CSMD3: variants seen among roughly 807,000 people sequenced by gnomAD.
CSMD3 encodes the protein CUB and sushi domain-containing protein 3.
In CSMD3, 177 loss-of-function variants were observed where a neutral mutation model predicts 435.2. That is an observed-to-expected ratio of 0.41 (90% CI 0.36 to 0.46). The LOEUF (loss-of-function observed/expected upper bound fraction) is 0.46, where lower values mean the gene tolerates loss of function less well. Ranked by LOEUF, CSMD3 falls within the 20% of genes least tolerant of loss-of-function variation. CSMD3 has a pLI of 0.34. For synonymous variants in CSMD3, 1,656 were observed against 1,520.5 expected, an observed-to-expected ratio of 1.09 and a Z score of -2.07; for missense variants, 4,265 against 4,504.6, an observed-to-expected ratio of 0.95 and a Z score of 1.52.
chr8:112,948,390 T>C (rs553404632), intron 8 of CSMD3, among the ~76,000 whole-genome samples: 287 of 152,136 alleles, frequency 1.9e-3, no homozygotes, highest in African/African-American at 6.4e-3. Flanking sequence ...ACAGCAGTGG[T>C]GCAAATTACT....
At chr8:113,423,660 G>A (rs1359927143) in intron 1 of CSMD3, among the ~76,000 whole-genome samples, 11 of 151,858 alleles carry the variant, frequency 7.2e-5, no homozygotes, top group Non-Finnish European at 1.5e-4. Flanking sequence ...GGATATTGAT[G>A]AAACCAAATC....
intron 27 of CSMD3, among the ~76,000 whole-genome samples, chr8:112,524,819 T>A (rs907226891): frequency 6.6e-6 from 1 of 152,044 alleles, no homozygotes; most frequent in Non-Finnish European, 1.5e-5. Context: ...ACAAAAAGCA[T>A]CTTCTTTATA....
chr8:112,279,547 A>G (rs1356046593), intron 59 of CSMD3, among the ~76,000 whole-genome samples: 2 of 152,190 alleles, frequency 1.3e-5, no homozygotes, highest in South Asian at 2.1e-4. Flanking sequence ...TCTAATTACA[A>G]TAGTTAATAC....
chr8:113,185,677 T>G (rs1028997893), intron 3 of CSMD3, among the ~76,000 whole-genome samples: 5 of 152,096 alleles, frequency 3.3e-5, no homozygotes, highest in Non-Finnish European at 7.4e-5. Flanking sequence ...TGTTTCTTGG[T>G]CTGAAGAAAT....
At chr8:113,132,536 C>T (rs1345197785) in intron 4 of CSMD3, among the ~76,000 whole-genome samples, 2 of 152,144 alleles carry the variant, frequency 1.3e-5, no homozygotes, top group Non-Finnish European at 2.9e-5. Flanking sequence ...GTACCTGCTT[C>T]CTCTTTGCCT....
chr8:113,415,460 C>A (rs935364799), intron 1 of CSMD3, among the ~76,000 whole-genome samples: 1 of 152,120 alleles, frequency 6.6e-6, no homozygotes, highest in African/African-American at 2.4e-5. Context: ...AAACGCAAAG[C>A]AGATTTCTCC....
Position 112,689,851 on chromosome 8 carries a change from A to G in CSMD3, c.2155+17T>C. On this transcript the variant is annotated intron_variant, in intron 14 of 70. Coordinates refer to ENST00000297405, the MANE Select transcript of CSMD3 (RefSeq NM_198123.2). ...GGGTAACATATGCTATCTGGAAGCA[A>G]AGCATTTGGTACTCACAGATACAGA... 1 of 1,606,542 alleles carries G rather than the reference A, an allele frequency of 6.2e-7. No individual in the cohort carries two copies. Among genetic ancestry groups the G allele is most frequent in the Non-Finnish European group, 8.5e-7 (1 of 1,173,348 alleles).
chr8:112,883,632 C>T (rs1413581102), intron 10 of CSMD3, among the ~76,000 whole-genome samples: 1 of 151,828 alleles, frequency 6.6e-6, no homozygotes, highest in African/African-American at 2.4e-5. Flanking sequence ...ACCCAGTTCC[C>T]TTGAATGTTA....
intron 1 of CSMD3, among the ~76,000 whole-genome samples, chr8:113,371,287 T>C (rs770113299): frequency 6.6e-6 from 1 of 152,104 alleles, no homozygotes; most frequent in Non-Finnish European, 1.5e-5. Context: ...ATAAGGTAGC[T>C]ACTTAATAAA....
chr8:112,650,442 T>G lies in CSMD3; in HGVS notation c.3005-93A>C, dbSNP rs79447106. 3.4e-3 allele frequency: 3,469 copies of G among 1,024,632 alleles called. 79 individuals carry two copies. The African/African-American group carries it at 0.048, about 14-fold the overall frequency. The allele number at this position is 1,024,632 out of a possible 1,614,324, so 63.5% of individuals were successfully genotyped here. A position where few individuals can be genotyped will look rare whatever the true frequency, so the allele number is the denominator to read the frequency against. On this transcript the variant is annotated intron_variant, in intron 18 of 70. Coordinates refer to ENST00000297405, the MANE Select transcript of CSMD3 (RefSeq NM_198123.2). ...TAGTTCTTCAAACAATTACAAGCAA[T>G]GATTTTTACAAATAAAGGTACTCGT...
chr8:112,985,304 G>A (rs1420712811), intron 6 of CSMD3, among the ~76,000 whole-genome samples: 1 of 151,900 alleles, frequency 6.6e-6, no homozygotes, highest in African/African-American at 2.4e-5. Flanking sequence ...TGCGGTAGGG[G>A]AAAAGGCAAG....
At chr8:112,423,016 T>C (rs1554674731) in intron 32 of CSMD3, among the ~76,000 whole-genome samples, 1 of 152,142 alleles carries the variant, frequency 6.6e-6, no homozygotes, top group Non-Finnish European at 1.5e-5. Context: ...GAATGGAACA[T>C]AAAGGAGTTA....
chr8:112,236,984 T>G (rs760401065), intron 67 of CSMD3, among the ~76,000 whole-genome samples: 3 of 152,168 alleles, frequency 2.0e-5, no homozygotes, highest in Non-Finnish European at 2.9e-5. Flanking sequence ...TAACTTATTT[T>G]AAAACTAGTT....
chr8:112,964,353 A>C (rs1033782123), intron 7 of CSMD3, among the ~76,000 whole-genome samples: 12 of 151,922 alleles, frequency 7.9e-5, no homozygotes, highest in African/African-American at 1.7e-4. Flanking sequence ...TTTTGATATA[A>C]AATTTTAAGT....
intron 5 of CSMD3, among the ~76,000 whole-genome samples, chr8:113,092,888 T>G (rs2131519287): frequency 6.6e-6 from 1 of 152,198 alleles, no homozygotes; most frequent in Non-Finnish European, 1.5e-5. Context: ...AGCCTCTTGG[T>G]TTTTGTTTGC....
intron 38 of CSMD3, among the ~76,000 whole-genome samples, chr8:112,377,842 T>G (rs1176310046): frequency 6.6e-6 from 1 of 151,982 alleles, no homozygotes; most frequent in African/African-American, 2.4e-5. Context: ...TATAAGAAAT[T>G]TACCTCAACA....
intron 61 of CSMD3, among the ~76,000 whole-genome samples, chr8:112,257,133 C>A (rs533877325): frequency 2.6e-5 from 4 of 152,206 alleles, no homozygotes; most frequent in Non-Finnish European, 5.9e-5. Context: ...CTATTTATAA[C>A]AAACCCACAG....
chr8:113,373,549 A>T (rs993992834), intron 1 of CSMD3, among the ~76,000 whole-genome samples: 3 of 151,998 alleles, frequency 2.0e-5, no homozygotes, highest in African/African-American at 7.2e-5. Context: ...TATTTATATA[A>T]ATACACATAT....
At chr8:112,494,521 T>C (rs1353466987) in intron 30 of CSMD3, among the ~76,000 whole-genome samples, 1 of 135,164 alleles carries the variant, frequency 7.4e-6, no homozygotes, top group African/African-American at 2.9e-5. Context: ...CTTTCTTTCT[T>C]TCTTTCTTTC....
Sources: allele counts gnomAD v4.1 joint callset (sites outside exome capture counted in the v4.1 genomes callset), GRCh38; gene constraint gnomAD v4.1.1; transcripts MANE v1.5; gene names NCBI Gene and HGNC (gene_info 2026-07-23, HGNC 2026-07-21).